KCNMB2: variants seen among roughly 807,000 people sequenced by gnomAD.
KCNMB2 encodes the protein potassium calcium-activated channel subfamily M regulatory beta subunit 2, also known as calcium-activated potassium channel subunit beta-2.
Under a neutral mutation model 24.5 loss-of-function variants are expected in KCNMB2, and 9 were observed. That is an observed-to-expected ratio of 0.37 (90% CI 0.22 to 0.64). The LOEUF is 0.64. Among genes scored for constraint, KCNMB2 ranks in the 30% least tolerant of loss-of-function variants. The pLI is 0.63. For missense variants in KCNMB2, 226 were observed against 284.3 expected (o/e 0.79, Z 1.47); for synonymous variants, 109 against 104.4 (o/e 1.04, Z -0.27).
At position 178,569,702 on chromosome 3, in the gene KCNMB2, A is replaced by G. The variant is rs183958673; in HGVS notation, c.-68+32991A>G. Among the ~76,000 whole-genome samples, 3 of 152,298 alleles carry G rather than the reference A, an allele frequency of 2.0e-5. No individual in the cohort carries two copies. In the East Asian group the frequency reaches 5.8e-4, roughly 29 times the overall value. On this transcript the variant is annotated intron_variant, in intron 1 of 4. Transcript: ENST00000452583. ...ATAACTTCTGCAAAACCACTTTGTA[A>G]ACTGTAAAGAATTATATAAATGTAA...
intron 1 of KCNMB2, among the ~76,000 whole-genome samples, chr3:178,646,335 G>A (rs1719922426): frequency 6.6e-6 from 1 of 152,156 alleles, no homozygotes; most frequent in South Asian, 2.1e-4. Flanking sequence ...CATGACAAAG[G>A]TTTTGATGAA....
At chr3:178,645,153 C>T (rs1208258857) in intron 1 of KCNMB2, among the ~76,000 whole-genome samples, 1 of 149,774 alleles carries the variant, frequency 6.7e-6, no homozygotes, top group Non-Finnish European at 1.5e-5. Context: ...CGGGTTCAAG[C>T]GATTCTCCTG....
At position 178,662,643 on chromosome 3, in the gene KCNMB2, GATA is replaced by G. The variant is rs1471599060; in HGVS notation, c.-68+125939_-68+125941del. ...TCCACTTGTTCAAATATAAATTGTG[GATA>G]ATAATATCTCACAGAGGAAGTGTGA... On this transcript the variant is annotated intron_variant, in intron 1 of 4. Coordinates refer to ENST00000452583, the MANE Select transcript of KCNMB2 (RefSeq NM_181361.3). Among the ~76,000 whole-genome samples, 3 of 152,034 alleles carry G rather than the reference GATA, an allele frequency of 2.0e-5. No homozygotes were observed. The East Asian group carries it at 5.8e-4, about 29-fold the overall frequency.
chr3:178,816,822 G>A (rs1319732062), intron 2 of KCNMB2, among the ~76,000 whole-genome samples: 1 of 151,898 alleles, frequency 6.6e-6, no homozygotes, highest in Admixed American at 6.6e-5. Flanking sequence ...TTGCATTAGA[G>A]CCAAATAATG....
intron 1 of KCNMB2, among the ~76,000 whole-genome samples, chr3:178,776,140 T>TC (rs1712569750): frequency 6.6e-6 from 1 of 152,076 alleles, no homozygotes; most frequent in Admixed American, 6.6e-5. Flanking sequence ...CTCCCTGCCT[T>TC]CCCCAACAAC....
chr3:178,755,228 A>G (rs936215465), intron 1 of KCNMB2, among the ~76,000 whole-genome samples: 2 of 152,216 alleles, frequency 1.3e-5, no homozygotes, highest in Non-Finnish European at 2.9e-5. Flanking sequence ...CCATGAATGA[A>G]CCTGGCATTT....
At chr3:178,764,523 G>A (rs1712038839) in intron 1 of KCNMB2, among the ~76,000 whole-genome samples, 1 of 152,176 alleles carries the variant, frequency 6.6e-6, no homozygotes, top group Non-Finnish European at 1.5e-5. Context: ...GTCTAAGTGT[G>A]TAGTAGGATA....
chr3:178,655,338 A>G (rs1337069138), intron 1 of KCNMB2, among the ~76,000 whole-genome samples: 1 of 152,188 alleles, frequency 6.6e-6, no homozygotes, highest in South Asian at 2.1e-4. Context: ...AGTATAAGGC[A>G]GTTTCAAATC....
At chr3:178,747,263 T>C (rs1237058402) in intron 1 of KCNMB2, among the ~76,000 whole-genome samples, 1 of 152,166 alleles carries the variant, frequency 6.6e-6, no homozygotes, top group African/African-American at 2.4e-5. Context: ...GGGGAACTCC[T>C]CTTTATAAAA....
At chr3:178,805,910 T>G (rs1413287521) in intron 1 of KCNMB2, among the ~76,000 whole-genome samples, 8 of 152,130 alleles carry the variant, frequency 5.3e-5, no homozygotes, top group African/African-American at 1.9e-4. Context: ...ATTGCTGGGA[T>G]TATAGGCATA....
At chr3:178,599,968 C>T (rs1460593519) in intron 1 of KCNMB2, among the ~76,000 whole-genome samples, 1 of 152,196 alleles carries the variant, frequency 6.6e-6, no homozygotes, top group Non-Finnish European at 1.5e-5. Context: ...ATCTCCACTT[C>T]CTGGGTTTAA....
In KCNMB2 at chr3:178,554,160, C is replaced by A. The variant is rs571740312; in HGVS notation, c.-68+17449C>A. 5.3e-5 allele frequency among the ~76,000 whole-genome samples: 8 copies of A among 152,106 alleles called. No individual in the cohort carries two copies. In the East Asian group the frequency reaches 1.4e-3, roughly 26 times the overall value. Reference sequence around the variant, plus strand: ...GCACAGAAAAGACCTTCAACTTCTTCAAAGTTACAGTTAACAAGTGTTAAG... The same window carrying A: ...GCACAGAAAAGACCTTCAACTTCTTAAAAGTTACAGTTAACAAGTGTTAAG... On this transcript the variant is annotated intron_variant, in intron 1 of 4. Transcript: ENST00000452583.
intron 1 of KCNMB2, among the ~76,000 whole-genome samples, chr3:178,614,277 A>ATATATATATATATG (rs1718612771): frequency 2.0e-5 from 2 of 101,334 alleles, no homozygotes; most frequent in Admixed American, 1.1e-4. Context: ...ATATATATAT[A>ATATATATATATATG]TATATATATA....
At chr3:178,825,814 C>T in intron 3 of KCNMB2, 56 bp downstream of exon 3, 1 of 1,440,236 alleles carries the variant, frequency 6.9e-7, no homozygotes, top group Non-Finnish European at 9.6e-7. Flanking sequence ...CATCCTCCCC[C>T]ATCACTTAGG....
intron 1 of KCNMB2, among the ~76,000 whole-genome samples, chr3:178,655,539 C>A (rs538474808): frequency 1.3e-5 from 2 of 152,286 alleles, no homozygotes; most frequent in Admixed American, 6.5e-5. Flanking sequence ...AAAGATCCCC[C>A]CTTGGTTGAT....
intron 1 of KCNMB2, among the ~76,000 whole-genome samples, chr3:178,557,574 C>T (rs940555497): frequency 6.6e-6 from 1 of 152,212 alleles, no homozygotes; most frequent in East Asian, 1.9e-4. Context: ...TTCTCTCTAC[C>T]CTTATTCGTT....
At chr3:178,551,012 G>A (rs1252435691) in intron 1 of KCNMB2, among the ~76,000 whole-genome samples, 1 of 152,116 alleles carries the variant, frequency 6.6e-6, no homozygotes, top group Non-Finnish European at 1.5e-5. Context: ...TGAAAAAGCG[G>A]GAGACCATTT....
intron 1 of KCNMB2, among the ~76,000 whole-genome samples, chr3:178,697,736 G>C (rs1416864724): frequency 6.6e-6 from 1 of 152,162 alleles, no homozygotes; most frequent in Non-Finnish European, 1.5e-5. Context: ...GTAGTGGCTG[G>C]TAATGGTCTT....
At chr3:178,703,318 G>T (rs1484269864) in intron 1 of KCNMB2, among the ~76,000 whole-genome samples, 2 of 152,098 alleles carry the variant, frequency 1.3e-5, no homozygotes, top group African/African-American at 2.4e-5. Context: ...TTTGGAGTTG[G>T]GATTTGCCTA....
Sources: allele counts gnomAD v4.1 joint callset (sites outside exome capture counted in the v4.1 genomes callset), GRCh38; gene constraint gnomAD v4.1.1; transcripts MANE v1.5; gene names NCBI Gene and HGNC (gene_info 2026-07-23, HGNC 2026-07-21).